The following ENTHD1 variants were observed in gnomAD, a reference collection of about 807,000 sequenced individuals.
The protein encoded by ENTHD1 is ENTH domain-containing protein 1.
Under a neutral mutation model 39.1 loss-of-function variants are expected in ENTHD1, and 23 were observed. That is an observed-to-expected ratio of 0.59 (90% CI 0.42 to 0.83). The LOEUF is 0.83. ENTHD1 is among the 40% of genes least tolerant of loss of function. The pLI is 0.00. For synonymous variants in ENTHD1, 230 were observed against 258.2 expected (o/e 0.89, Z 1.05); for missense variants, 624 against 705.4 (o/e 0.88, Z 1.31).
chr22:39,812,777 T>C (rs1019149244), intron 5 of ENTHD1, among the ~76,000 whole-genome samples: 1 of 152,116 alleles, frequency 6.6e-6, no homozygotes, highest in African/African-American at 2.4e-5. Flanking sequence ...TTGGATCCCT[T>C]TGTCTTTTTT....
intron 2 of ENTHD1, among the ~76,000 whole-genome samples, chr22:39,869,637 TA>T (rs75175740): frequency 0.026 from 3,058 of 119,408 alleles, 64 homozygotes; most frequent in African/African-American, 0.074. Flanking sequence ...GTTAAAATTG[TA>T]AAAAAAAAAA....
At chr22:39,840,641 G>A (rs535805621) in intron 3 of ENTHD1, among the ~76,000 whole-genome samples, 4 of 152,326 alleles carry the variant, frequency 2.6e-5, no homozygotes, top group South Asian at 2.1e-4. Context: ...GGCTAAGGAA[G>A]AGCTAGTAAG....
chr22:39,802,823 A>G (rs2065609617), intron 5 of ENTHD1, among the ~76,000 whole-genome samples: 1 of 152,226 alleles, frequency 6.6e-6, no homozygotes, highest in Admixed American at 6.5e-5. Flanking sequence ...TCTCAGAGGC[A>G]GAACACTAAG....
Position 39,765,523 on chromosome 22 carries a change from T to C in ENTHD1, c.919A>G (p.Thr307Ala). 1.9e-6 allele frequency: 3 copies of C among 1,613,950 alleles called. No homozygotes were observed. Among genetic ancestry groups the C allele is most frequent in the Non-Finnish European group, 2.5e-6 (3 of 1,179,940 alleles). The change falls in exon 6 of 7, where the codon ACT (threonine) becomes GCT (alanine). Residue 307 changes from threonine to alanine, a missense_variant. Thr to Ala is a moderately conservative substitution (Grantham distance 58). Coordinates refer to ENST00000325157, the MANE Select transcript of ENTHD1 (RefSeq NM_152512.4). ...GTTTCCAAGAGGTTTTCTGTGACAG[T>C]ATTTGTAAAGATACCATCTGATCTC... ...DKRSDGIFTN[T>A]VTENLLETPL...
At chr22:39,831,834 A>AAAAC (rs912495701) in intron 4 of ENTHD1, among the ~76,000 whole-genome samples, 28 of 152,176 alleles carry the variant, frequency 1.8e-4, no homozygotes, top group Non-Finnish European at 1.3e-4. Flanking sequence ...CTCAAAAAAC[A>AAAAC]AAACAAACAA....
intron 6 of ENTHD1, among the ~76,000 whole-genome samples, chr22:39,757,222 A>C (rs910302588): frequency 6.6e-6 from 1 of 152,158 alleles, no homozygotes; most frequent in African/African-American, 2.4e-5. Context: ...TTTTTGAAAA[A>C]TGCTACTGTA....
chr22:39,862,453 CAG>C (rs1231248434), intron 2 of ENTHD1, among the ~76,000 whole-genome samples: 1 of 148,940 alleles, frequency 6.7e-6, no homozygotes, highest in Non-Finnish European at 1.5e-5. Flanking sequence ...GAAGCTGAGA[CAG>C]GGGAATCACT....
At chr22:39,815,275 T>C (rs2065724298) in intron 5 of ENTHD1, among the ~76,000 whole-genome samples, 1 of 151,996 alleles carries the variant, frequency 6.6e-6, no homozygotes, top group Non-Finnish European at 1.5e-5. Flanking sequence ...AAACCTCGTT[T>C]CTATTAAAAA....
rs548127630 is a variant in ENTHD1 at position 39,842,767 on chromosome 22, AAAAC to A, written c.593-6813_593-6810del. On this transcript the variant is annotated intron_variant, in intron 3 of 6. Transcript: ENST00000325157. ...TGAACTCAAACAAATTTACAAGAAA[AAAAC>A]AAACAACCCCATCAAAAAGTGGGCA... 4.0e-3 allele frequency among the ~76,000 whole-genome samples: 598 copies of A among 149,970 alleles called. 5 individuals are homozygous for A. The highest frequency in any genetic ancestry group is 0.017 in the Middle Eastern group (5 of 288).
chr22:39,792,538 CT>C (rs2065512904), intron 5 of ENTHD1, among the ~76,000 whole-genome samples: 1 of 152,034 alleles, frequency 6.6e-6, no homozygotes, highest in South Asian at 2.1e-4. Context: ...CAAATCTGTG[CT>C]GATGGTATAT....
At chr22:39,826,048 G>A (rs1001140818) in intron 4 of ENTHD1, among the ~76,000 whole-genome samples, 3 of 152,078 alleles carry the variant, frequency 2.0e-5, no homozygotes, top group African/African-American at 7.2e-5. Context: ...GCTAATTTTT[G>A]TATTTTGCAT....
At chr22:39,826,364 T>C (rs998087531) in intron 4 of ENTHD1, among the ~76,000 whole-genome samples, 5 of 152,272 alleles carry the variant, frequency 3.3e-5, no homozygotes, top group Admixed American at 2.6e-4. Flanking sequence ...TATTTATCTT[T>C]TTTTTCAAAG....
chr22:39,843,160 T>C (rs2065958197), intron 3 of ENTHD1, among the ~76,000 whole-genome samples: 1 of 152,096 alleles, frequency 6.6e-6, no homozygotes, highest in African/African-American at 2.4e-5. Context: ...CACATGCACA[T>C]GTATGTTTAC....
intron 2 of ENTHD1, among the ~76,000 whole-genome samples, chr22:39,873,474 G>A (rs1383513759): frequency 6.6e-6 from 1 of 152,112 alleles, no homozygotes; most frequent in Non-Finnish European, 1.5e-5. Context: ...ACTAGGAGAG[G>A]CTGTTTAGTA....
intron 2 of ENTHD1, chr22:39,874,280 T>G (rs1007510651): frequency 1.3e-5 from 2 of 152,078 alleles, no homozygotes; most frequent in African/African-American, 4.8e-5. Flanking sequence ...TTCATGAAAA[T>G]TACCAACTTA....
intron 5 of ENTHD1, among the ~76,000 whole-genome samples, chr22:39,803,168 G>A (rs2065612702): frequency 2.0e-5 from 3 of 152,038 alleles, no homozygotes. Flanking sequence ...GCCCCTGCCT[G>A]TCTTTCTCTG....
intron 2 of ENTHD1, chr22:39,876,244 T>A: frequency 8.9e-7 from 1 of 1,125,994 alleles, no homozygotes; most frequent in Non-Finnish European, 1.2e-6. Context: ...TTGCAAACAT[T>A]AATGTGAAAT....
intron 2 of ENTHD1, chr22:39,874,369 C>G (rs2066269459): frequency 6.6e-6 from 1 of 152,206 alleles, no homozygotes. Context: ...AGTGCAGCTA[C>G]TCCTATACCC....
intron 3 of ENTHD1, among the ~76,000 whole-genome samples, chr22:39,857,490 A>G (rs909098687): frequency 5.9e-5 from 9 of 151,724 alleles, no homozygotes; most frequent in African/African-American, 2.2e-4. Context: ...TGACTACAAA[A>G]CAATAAACTA....
Sources: allele counts gnomAD v4.1 joint callset (sites outside exome capture counted in the v4.1 genomes callset), GRCh38; gene constraint gnomAD v4.1.1; transcripts MANE v1.5; gene names NCBI Gene and HGNC (gene_info 2026-07-23, HGNC 2026-07-21).